The following CXADR variants were observed in gnomAD, a reference collection of about 807,000 sequenced individuals.
CXADR encodes coxsackievirus and adenovirus receptor.
In CXADR, 20 loss-of-function variants were observed where a neutral mutation model predicts 40.3. The observed-to-expected ratio is 0.50, with a 90% CI of 0.35 to 0.72. CXADR has a LOEUF of 0.72. Ranked by LOEUF, CXADR falls within the 30% of genes least tolerant of loss-of-function variation. The probability of loss-of-function intolerance (pLI) is 0.01; values close to 1 mark genes in which losing one functional copy is unlikely to be tolerated. For missense variants in CXADR, 332 were observed against 449.1 expected (o/e 0.74, Z 2.36); for synonymous variants, 150 against 161.3 (o/e 0.93, Z 0.53).
At chr21:17,580,791 C>T (rs2061354794) in intron 7 of CXADR, among the ~76,000 whole-genome samples, 1 of 152,070 alleles carries the variant, frequency 6.6e-6, no homozygotes, top group Admixed American at 6.5e-5. Context: ...TGCTCTGTCA[C>T]CCAGGCTGGA....
chr21:17,541,430 A>C (rs1318704739), intron 1 of CXADR, among the ~76,000 whole-genome samples: 1 of 151,780 alleles, frequency 6.6e-6, no homozygotes, highest in African/African-American at 2.4e-5. Context: ...GGTGGTGGGC[A>C]CCTGTAGTCC....
chr21:17,626,120 G>A, the CXADR span, among the ~76,000 whole-genome samples: 1 of 151,994 alleles, frequency 6.6e-6, no homozygotes, highest in East Asian at 1.9e-4. Context: ...GGTTTCCTAT[G>A]CATTTCCCCC....
chr21:17,601,384 C>T, the CXADR span, among the ~76,000 whole-genome samples: 4 of 152,042 alleles, frequency 2.6e-5, no homozygotes, highest in Non-Finnish European at 4.4e-5. Context: ...AGAAGCTGGA[C>T]ATGGTAGCTT....
At chr21:17,525,715 C>T (rs531291700) in intron 1 of CXADR, among the ~76,000 whole-genome samples, 1 of 152,312 alleles carries the variant, frequency 6.6e-6, no homozygotes, top group East Asian at 1.9e-4. Flanking sequence ...TCTGGATGAG[C>T]AAAATGATCA....
chr21:17,513,221 T>C (rs2123075721), intron 1 of CXADR, 49 bp downstream of exon 1: 1 of 1,340,420 alleles, frequency 7.5e-7, no homozygotes, highest in Non-Finnish European at 9.6e-7. Flanking sequence ...CCGGGGGCGC[T>C]CGCTGCCCGC....
rs73308272 is a variant in CXADR, at chr21:17,557,851, G to A, written c.416-1125G>A. On this transcript the variant is annotated intron_variant, in intron 3 of 6. Transcript: ENST00000284878. The stretch of plus-strand genomic sequence containing the variant: ...AACCAGCATGAGGGAACTTCCTTGG[G>A]AGAGGGTTGGAGTGGTGCTTAATGG... Among the ~76,000 whole-genome samples, 176 of 152,258 alleles carry A rather than the reference G, an allele frequency of 1.2e-3. 2 individuals are homozygous for A. Among genetic ancestry groups the A allele is most frequent in the African/African-American group, 4.1e-3 (171 of 41,552 alleles).
chr21:17,634,520 G>C, the CXADR span, among the ~76,000 whole-genome samples: 45 of 152,210 alleles, frequency 3.0e-4, no homozygotes, highest in Admixed American at 7.9e-4. Context: ...GATGTAGCTA[G>C]AGAAAGGTCA....
intron 3 of CXADR, among the ~76,000 whole-genome samples, chr21:17,553,968 T>G (rs2061002597): frequency 6.6e-6 from 1 of 152,234 alleles, no homozygotes. Context: ...ATTATAACCC[T>G]GACTATACTT....
the CXADR span, among the ~76,000 whole-genome samples, chr21:17,630,851 C>A: frequency 6.6e-6 from 1 of 151,850 alleles, no homozygotes; most frequent in African/African-American, 2.4e-5. Context: ...ATTATGGGAG[C>A]AAAGGAACTT....
In CXADR at chr21:17,540,062, G is replaced by A. The variant is rs377316925; in HGVS notation, c.44-6965G>A. On this transcript the variant is annotated intron_variant, in intron 1 of 6. Coordinates refer to ENST00000284878, the MANE Select transcript of CXADR (RefSeq NM_001338.5). Reference sequence around the variant, plus strand: ...CAAGATTAAGATGCCAGCAAGTTTGGTTTCTGGTGAGGGCCCTCTTCCTGG... The same window carrying A: ...CAAGATTAAGATGCCAGCAAGTTTGATTTCTGGTGAGGGCCCTCTTCCTGG... Among the ~76,000 whole-genome samples the A allele has an allele frequency of 6.7e-4, 102 of 152,302 alleles. 3 individuals are homozygous for A. The East Asian group carries it at 0.014, about 21-fold the overall frequency.
At chr21:17,514,683 G>C (rs982271138) in intron 1 of CXADR, among the ~76,000 whole-genome samples, 1 of 151,488 alleles carries the variant, frequency 6.6e-6, no homozygotes, top group South Asian at 2.1e-4. Context: ...GCACAGGCTG[G>C]AGTGCAATGG....
chr21:17,557,045 T>C (rs1197478905), intron 3 of CXADR, among the ~76,000 whole-genome samples: 1 of 152,180 alleles, frequency 6.6e-6, no homozygotes, highest in Non-Finnish European at 1.5e-5. Flanking sequence ...TTCATAATAC[T>C]GCAAAACAAA....
rs919403520 is a variant in CXADR, at chr21:17,568,336, G to A, written c.*2644G>A. The stretch of plus-strand genomic sequence containing the variant: ...GTAGAGACAGGGTTTCACCGTGTTA[G>A]CCAGGATGGTCTCGATCTCCTGACC... On this transcript the variant is annotated 3_prime_UTR_variant, in exon 7 of 7. Transcript: ENST00000284878. 1.2e-6 allele frequency: 1 copy of A among 830,636 alleles called. No individual in the cohort carries two copies. 51.5% of individuals were successfully genotyped at this position (830,636 alleles called of 1,614,324 possible). A position where few individuals can be genotyped will look rare whatever the true frequency, so the allele number is the denominator to read the frequency against.
Position 17,558,964 on chromosome 21 carries a change from T to C in CXADR, c.416-12T>C. The C allele has an allele frequency of 6.3e-7, 1 of 1,599,888 alleles. No homozygotes were observed. Among genetic ancestry groups the C allele is most frequent in the Middle Eastern group, 1.7e-4 (1 of 5,936 alleles). ...TCTCTTATGTAAATTTATAATTTGTTTTCTCTTTCAGTTAAGCCTTCAGGT... is the reference window on the plus strand; with the variant it reads ...TCTCTTATGTAAATTTATAATTTGTCTTCTCTTTCAGTTAAGCCTTCAGGT... On this transcript the variant is annotated splice_polypyrimidine_tract_variant and intron_variant, in intron 3 of 6. Coordinates refer to ENST00000284878, the MANE Select transcript of CXADR (RefSeq NM_001338.5).
chr21:17,616,496 C>T, the CXADR span, among the ~76,000 whole-genome samples: 2 of 151,770 alleles, frequency 1.3e-5, no homozygotes, highest in East Asian at 2.0e-4. Context: ...CCACCATGCA[C>T]GGCTAATTTT....
intron 1 of CXADR, 101 bp downstream of exon 1, chr21:17,513,273 C>T (rs2060414603): frequency 1.7e-6 from 2 of 1,147,330 alleles, no homozygotes; most frequent in Non-Finnish European, 2.3e-6. Context: ...GGGGCGGGCG[C>T]GATTTGGGGG....
chr21:17,618,467 T>G, the CXADR span, among the ~76,000 whole-genome samples: 1 of 152,196 alleles, frequency 6.6e-6, no homozygotes, highest in African/African-American at 2.4e-5. Flanking sequence ...TTCAATTTAC[T>G]TCGCTCAGAG....
At chr21:17,535,797 G>A (rs928733509) in intron 1 of CXADR, among the ~76,000 whole-genome samples, 12 of 152,076 alleles carry the variant, frequency 7.9e-5, no homozygotes, top group African/African-American at 2.4e-4. Flanking sequence ...GCCTGAGTTC[G>A]GGAGTTCAAG....
chr21:17,521,563 T>G (rs2060530917), intron 1 of CXADR, among the ~76,000 whole-genome samples: 2 of 146,242 alleles, frequency 1.4e-5, no homozygotes. Context: ...CCTCAGGTGA[T>G]CCACCCTCCT....
Sources: allele counts gnomAD v4.1 joint callset (sites outside exome capture counted in the v4.1 genomes callset), GRCh38; gene constraint gnomAD v4.1.1; transcripts MANE v1.5; gene names NCBI Gene and HGNC (gene_info 2026-07-23, HGNC 2026-07-21).